OSBPL8: variants seen among roughly 807,000 people sequenced by gnomAD.
OSBPL8 encodes the protein oxysterol-binding protein-related protein 8.
OSBPL8 carries 59 observed loss-of-function variants against 125.5 expected under a neutral mutation model. The ratio of observed to expected loss-of-function variants is 0.47; its 90% CI spans 0.38 to 0.58. The LOEUF (loss-of-function observed/expected upper bound fraction) is 0.58. Among genes scored for constraint, OSBPL8 ranks in the 20% least tolerant of loss-of-function variants. OSBPL8 has a pLI of 0.00. For synonymous variants in OSBPL8, 330 were observed against 338.9 expected, an observed-to-expected ratio of 0.97 and a Z score of 0.29; for missense variants, 758 against 1,047.8, an observed-to-expected ratio of 0.72 and a Z score of 3.82.
At chr12:76,529,191 T>C (rs967167689) in intron 1 of OSBPL8, among the ~76,000 whole-genome samples, 2 of 152,102 alleles carry the variant, frequency 1.3e-5, no homozygotes, top group Non-Finnish European at 2.9e-5. Flanking sequence ...ATTTAAAGCA[T>C]TATGAACTAA....
rs1169744317 is a variant in OSBPL8, at chr12:76,353,058, ATAGT to A, written c.*2827_*2830del. On this transcript the variant is annotated 3_prime_UTR_variant, in exon 24 of 24. Transcript: ENST00000261183. The stretch of plus-strand genomic sequence containing the variant: ...GCCTATAAACACCTTGAATCACATT[ATAGT>A]TCTGTAACACAAAAAATGACAAAAA... The A allele has an allele frequency of 6.6e-6, 1 of 152,488 alleles. No homozygotes were observed. The highest frequency in any genetic ancestry group is 1.5e-5 in the Non-Finnish European group (1 of 67,878). The allele number at this position is 152,488 out of a possible 1,614,324, so 9.4% of individuals were successfully genotyped here. A position where few individuals can be genotyped will look rare whatever the true frequency, so the allele number is the denominator to read the frequency against.
intron 1 of OSBPL8, among the ~76,000 whole-genome samples, chr12:76,530,714 CACAG>C (rs1950314041): frequency 1.3e-5 from 2 of 152,150 alleles, no homozygotes; most frequent in Non-Finnish European, 2.9e-5. Context: ...AGGTGCCTAT[CACAG>C]TAGGTGCTCC....
At chr12:76,361,687 T>G (rs1011556765) in intron 21 of OSBPL8, among the ~76,000 whole-genome samples, 1 of 152,140 alleles carries the variant, frequency 6.6e-6, no homozygotes, top group Non-Finnish European at 1.5e-5. Context: ...AGGCCCCCTT[T>G]CTTACATGGC....
At chr12:76,555,239 A>C (rs1201704219) in intron 1 of OSBPL8, among the ~76,000 whole-genome samples, 3 of 152,212 alleles carry the variant, frequency 2.0e-5, no homozygotes, top group African/African-American at 7.2e-5. Context: ...TTCTTCAAAA[A>C]CAAATTACGT....
intron 1 of OSBPL8, among the ~76,000 whole-genome samples, chr12:76,545,029 A>G (rs1348137479): frequency 6.6e-6 from 1 of 152,176 alleles, no homozygotes; most frequent in African/African-American, 2.4e-5. Flanking sequence ...TGGTTTGCCA[A>G]GGTCACACAG....
chr12:76,355,680 A>T lies in OSBPL8; in HGVS notation c.*209T>A. 1 of 513,360 alleles carries T rather than the reference A, an allele frequency of 1.9e-6. No homozygotes were observed. The highest frequency in any genetic ancestry group is 3.4e-6 in the Non-Finnish European group (1 of 298,476). 31.8% of individuals were successfully genotyped at this position (513,360 alleles called of 1,614,324 possible). On this transcript the variant is annotated 3_prime_UTR_variant, in exon 24 of 24. Transcript: ENST00000261183. ...AAAAGCTAGAAATGTCCTGGCACTT[A>T]ACACATAGCTCACTTTAATAATCAA...
intron 1 of OSBPL8, among the ~76,000 whole-genome samples, chr12:76,529,846 T>G (rs889838196): frequency 6.6e-6 from 1 of 152,190 alleles, no homozygotes; most frequent in Non-Finnish European, 1.5e-5. Context: ...CGAAGACACA[T>G]TACTAGTTGC....
chr12:76,511,371 G>C (rs147197445), intron 1 of OSBPL8, among the ~76,000 whole-genome samples: 169 of 152,294 alleles, frequency 1.1e-3, no homozygotes, highest in Non-Finnish European at 2.2e-3. Context: ...CAGTGTATAA[G>C]TGTTCCCTTT....
At chr12:76,509,267 G>A (rs1485713409) in intron 1 of OSBPL8, among the ~76,000 whole-genome samples, 1 of 152,046 alleles carries the variant, frequency 6.6e-6, no homozygotes, top group African/African-American at 2.4e-5. Context: ...CACCACCTAG[G>A]TTTGTGTATT....
chr12:76,530,712 A>G (rs1241318929), intron 1 of OSBPL8, among the ~76,000 whole-genome samples: 2 of 152,168 alleles, frequency 1.3e-5, no homozygotes, highest in Admixed American at 6.5e-5. Context: ...GGAGGTGCCT[A>G]TCACAGTAGG....
intron 7 of OSBPL8, among the ~76,000 whole-genome samples, chr12:76,398,744 C>T (rs907586670): frequency 6.6e-5 from 10 of 151,990 alleles, no homozygotes; most frequent in African/African-American, 1.2e-4. Flanking sequence ...CCCAAATAGG[C>T]GTATCACAGT....
intron 1 of OSBPL8, among the ~76,000 whole-genome samples, chr12:76,548,061 CTG>C (rs1195576214): frequency 6.6e-6 from 1 of 152,098 alleles, no homozygotes; most frequent in East Asian, 1.9e-4. Flanking sequence ...TCAATAGGCT[CTG>C]TTTCTTCTGT....
intron 4 of OSBPL8, among the ~76,000 whole-genome samples, chr12:76,421,847 T>C (rs1592652524): frequency 6.6e-6 from 1 of 151,894 alleles, no homozygotes. Context: ...CATTGACCAA[T>C]TGTTTAATGC....
At position 76,390,669 on chromosome 12, in the gene OSBPL8, G is replaced by C; in HGVS notation, c.930-12C>G. 1 of 1,488,476 alleles carries C rather than the reference G, an allele frequency of 6.7e-7. No individual in the cohort carries two copies. The highest frequency in any genetic ancestry group is 1.1e-5 in the South Asian group (1 of 87,434). 92.2% of individuals were successfully genotyped at this position (1,488,476 alleles called of 1,614,324 possible). On this transcript the variant is annotated splice_polypyrimidine_tract_variant and intron_variant, in intron 10 of 23. Transcript: ENST00000261183. The stretch of plus-strand genomic sequence containing the variant: ...CACTATCATTTAACCTTAAGGGAAA[G>C]AATTTTTAGGAGGAAGAATCAAGGA...
intron 1 of OSBPL8, among the ~76,000 whole-genome samples, chr12:76,548,599 GAGTAAACACATCTCATCC>G (rs1046544673): frequency 1.2e-4 from 18 of 152,154 alleles, no homozygotes; most frequent in African/African-American, 4.1e-4. Context: ...GTGTGGCACA[GAGTAAACACATCTCATCC>G]AGCATTTAAA....
chr12:76,395,579 C>T (rs1248546503), intron 8 of OSBPL8, among the ~76,000 whole-genome samples: 2 of 151,962 alleles, frequency 1.3e-5, no homozygotes, highest in Non-Finnish European at 2.9e-5. Context: ...AATAGCTTTA[C>T]AATTTATGGG....
chr12:76,433,902 G>C (rs1275374145), intron 4 of OSBPL8, among the ~76,000 whole-genome samples: 1 of 149,488 alleles, frequency 6.7e-6, no homozygotes, highest in Non-Finnish European at 1.5e-5. Context: ...TTGAACCCAG[G>C]AGGCGGAGGT....
At chr12:76,547,617 C>T (rs995013256) in intron 1 of OSBPL8, among the ~76,000 whole-genome samples, 4 of 152,124 alleles carry the variant, frequency 2.6e-5, no homozygotes, top group African/African-American at 9.7e-5. Context: ...ACCAAAGTAG[C>T]TATCACACAT....
intron 4 of OSBPL8, among the ~76,000 whole-genome samples, chr12:76,446,002 T>C (rs1872686253): frequency 1.3e-5 from 2 of 152,188 alleles, no homozygotes; most frequent in Non-Finnish European, 2.9e-5. Flanking sequence ...AAATTTTAGC[T>C]CTACTACATA....
Sources: allele counts gnomAD v4.1 joint callset (sites outside exome capture counted in the v4.1 genomes callset), GRCh38; gene constraint gnomAD v4.1.1; transcripts MANE v1.5; gene names NCBI Gene and HGNC (gene_info 2026-07-23, HGNC 2026-07-21).